The following PARP14 variants were observed in gnomAD, a reference collection of about 807,000 sequenced individuals.
PARP14 encodes the protein protein mono-ADP-ribosyltransferase PARP14.
A neutral mutation model predicts 154.2 loss-of-function variants in PARP14; 59 were observed. That is an observed-to-expected ratio of 0.38 (90% CI 0.31 to 0.48). The LOEUF (loss-of-function observed/expected upper bound fraction) is 0.48, where lower values mean the gene tolerates loss of function less well. PARP14 is among the 20% of genes least tolerant of loss of function. PARP14 has a pLI of 0.98. For missense variants in PARP14, 1,734 were observed against 2,131.6 expected, an observed-to-expected ratio of 0.81 and a Z score of 3.67; for synonymous variants, 720 against 780.5, an observed-to-expected ratio of 0.92 and a Z score of 1.29.
At chr3:122,714,459 TC>T in intron 12 of PARP14, 30 bp downstream of exon 12, 1 of 1,509,176 alleles carries the variant, frequency 6.6e-7, no homozygotes, top group South Asian at 1.3e-5. Flanking sequence ...CAAGGCTAAA[TC>T]CCAAGCCATC....
At chr3:122,708,963 G>A (rs553699744) in intron 9 of PARP14, among the ~76,000 whole-genome samples, 9 of 151,954 alleles carry the variant, frequency 5.9e-5, no homozygotes, top group East Asian at 1.9e-4. Context: ...TTTTAGATAC[G>A]TATGTGTATG....
chr3:122,695,810 T>C, intron 5 of PARP14, 148 bp downstream of exon 5: 1 of 586,162 alleles, frequency 1.7e-6, no homozygotes, highest in Non-Finnish European at 3.0e-6. Flanking sequence ...ATCTGCGATA[T>C]GATGCTTAAT....
chr3:122,727,124 C>T (rs1048724330), intron 15 of PARP14, among the ~76,000 whole-genome samples: 1 of 151,946 alleles, frequency 6.6e-6, no homozygotes, highest in Non-Finnish European at 1.5e-5. Context: ...CCATGAGGGA[C>T]TTTGGTCACC....
chr3:122,709,892 G>GTTTTT (rs146839683), intron 9 of PARP14, among the ~76,000 whole-genome samples: 1 of 145,622 alleles, frequency 6.9e-6, no homozygotes. Flanking sequence ...GGGATTATTT[G>GTTTTT]TTTTTTTTTT....
Position 122,718,464 on chromosome 3 carries a change from G to A in PARP14, c.4313G>A (p.Cys1438Tyr), listed in dbSNP as rs753272083. The A allele has an allele frequency of 2.5e-6, 4 of 1,613,876 alleles. No homozygotes were observed. Among genetic ancestry groups the A allele is most frequent in the Non-Finnish European group, 3.4e-6 (4 of 1,179,866 alleles). Reference protein sequence around the residue: ...TFRVCGENVTCVEYAISWLQD... With the variant: ...TFRVCGENVTYVEYAISWLQD... The stretch of plus-strand genomic sequence containing the variant: ...CGGGTGTGTGGTGAAAATGTCACGT[G>A]TGTGGAATATGCTATCTCCTGGCTA... Residue 1438 changes from cysteine (C) to tyrosine (Y), a missense_variant, in exon 14 of 17, where the codon TGT (cysteine) becomes TAT (tyrosine). By Grantham distance (194) the Cys-to-Tyr change is radical. Around this residue, in one of 2 missense-constraint regions of PARP14, gnomAD observed 1,646 missense variants for 1,976.0 expected, o/e 0.83. Coordinates refer to ENST00000474629, the MANE Select transcript of PARP14 (RefSeq NM_017554.3).
At chr3:122,710,840 T>A (rs1436048347) in intron 9 of PARP14, among the ~76,000 whole-genome samples, 1 of 149,438 alleles carries the variant, frequency 6.7e-6, no homozygotes, top group East Asian at 2.0e-4. Context: ...TATTTATTTA[T>A]TTTTGCAGCT....
intron 1 of PARP14, 136 bp from the exon 2 acceptor site, chr3:122,685,049 A>G: frequency 2.4e-6 from 2 of 829,338 alleles, no homozygotes; most frequent in Non-Finnish European, 3.7e-6. Context: ...TTCCTCTTTT[A>G]CTTCACATAT....
Position 122,680,951 on chromosome 3 carries a change from T to G in PARP14, c.68T>G (p.Leu23Trp). 6.2e-7 allele frequency: 1 copy of G among 1,613,562 alleles called. No individual in the cohort carries two copies. Residue 23 changes from leucine to tryptophan, a missense_variant, in exon 1 of 17, where the codon TTG becomes TGG. This residue lies in a region of PARP14 where 1,646 missense variants were observed against 1,976.0 expected (regional missense o/e 0.83). Coordinates refer to ENST00000474629, the MANE Select transcript of PARP14 (RefSeq NM_017554.3). ...GSWGPDPPKN[L>W]NTKLQMYFQS... ...TGGGGCCCCGACCCCCCGAAGAACT[T>G]GAACACCAAGTTGCAGATGTACTTC...
intron 4 of PARP14, among the ~76,000 whole-genome samples, chr3:122,693,893 C>T (rs1297071557): frequency 1.3e-5 from 2 of 151,164 alleles, no homozygotes; most frequent in Non-Finnish European, 2.9e-5. Context: ...AACAACTTAA[C>T]GTAGTACCTG....
chr3:122,703,023 A>C (rs528614909), intron 6 of PARP14, among the ~76,000 whole-genome samples: 173 of 99,000 alleles, frequency 1.7e-3, no homozygotes, highest in South Asian at 3.9e-3. Context: ...AAAAAAAAAA[A>C]CAAAAAACAA....
At chr3:122,703,563 C>T (rs970193567) in intron 6 of PARP14, among the ~76,000 whole-genome samples, 179 bp from the exon 7 acceptor site, 3 of 152,074 alleles carry the variant, frequency 2.0e-5, no homozygotes, top group African/African-American at 4.8e-5. Flanking sequence ...TCTTTTTTTC[C>T]TAAGTGTCAC....
intron 15 of PARP14, among the ~76,000 whole-genome samples, chr3:122,726,746 G>A (rs1933297526): frequency 6.6e-6 from 1 of 151,934 alleles, no homozygotes; most frequent in Non-Finnish European, 1.5e-5. Context: ...TAAGAATTAA[G>A]AGACTAAGAA....
At chr3:122,697,796 C>G (rs940736896) in intron 5 of PARP14, among the ~76,000 whole-genome samples, 1 of 152,190 alleles carries the variant, frequency 6.6e-6, no homozygotes, top group African/African-American at 2.4e-5. Flanking sequence ...CATTAATAAT[C>G]TGCACAGTTA....
At chr3:122,722,857 T>G (rs1189537582) in intron 15 of PARP14, among the ~76,000 whole-genome samples, 1 of 152,182 alleles carries the variant, frequency 6.6e-6, no homozygotes, top group Non-Finnish European at 1.5e-5. Flanking sequence ...ATTAAAGACA[T>G]TCTCCTAAAT....
Position 122,729,440 on chromosome 3 carries a change from T to TA in PARP14, c.*843_*844insA, listed in dbSNP as rs2107658152. ...ATGCTGAACCAAAATGTGCCTTTTT[T>TA]TTTTTTTTTTTGAGATGGAGTTTCA... On this transcript the variant is annotated 3_prime_UTR_variant, in exon 17 of 17. Coordinates refer to ENST00000474629, the MANE Select transcript of PARP14 (RefSeq NM_017554.3). 1 of 154,710 alleles carries TA rather than the reference T, an allele frequency of 6.5e-6. No individual in the cohort carries two copies. Among genetic ancestry groups the TA allele is most frequent in the African/African-American group, 2.4e-5 (1 of 41,416 alleles). 9.6% of individuals were successfully genotyped at this position (154,710 alleles called of 1,614,324 possible).
At chr3:122,708,340 A>C in intron 9 of PARP14, 72 bp downstream of exon 9, 1 of 758,462 alleles carries the variant, frequency 1.3e-6, no homozygotes, top group South Asian at 1.6e-5. Context: ...GGTAAAAGAC[A>C]GTAGTGATAA....
chr3:122,708,404 A>G lies in PARP14; in HGVS notation c.3619+136A>G, dbSNP rs908880062. 4.5e-5 allele frequency: 28 copies of G among 618,502 alleles called. No homozygotes were observed. The Admixed American group carries it at 8.0e-4, about 18-fold the overall frequency. 38.3% of individuals were successfully genotyped at this position (618,502 alleles called of 1,614,324 possible). ...CAAATGATACTAAGTTATGTTTCATATACCTGAGCATGTAAGACACTGGTC... is the reference window on the plus strand; with the variant it reads ...CAAATGATACTAAGTTATGTTTCATGTACCTGAGCATGTAAGACACTGGTC... On this transcript the variant is annotated intron_variant, in intron 9 of 16. Transcript: ENST00000474629.
intron 5 of PARP14, among the ~76,000 whole-genome samples, chr3:122,697,214 A>G (rs1322926934): frequency 6.6e-6 from 1 of 152,144 alleles, no homozygotes; most frequent in Non-Finnish European, 1.5e-5. Flanking sequence ...TTTGCCTCCT[A>G]AAGTGCTGGG....
intron 5 of PARP14, among the ~76,000 whole-genome samples, chr3:122,697,475 C>T (rs1268202834): frequency 6.6e-6 from 1 of 152,166 alleles, no homozygotes; most frequent in African/African-American, 2.4e-5. Flanking sequence ...ATAACATATA[C>T]CCTAACTTCT....
Sources: gnomAD v4.1 joint callset for allele counts (sites outside exome capture counted in the v4.1 genomes callset) on GRCh38, gnomAD v4.1.1 for gene constraint, gnomAD v4.1.1 regional missense constraint, MANE v1.5 for transcripts, NCBI Gene and HGNC (gene_info 2026-07-23, HGNC 2026-07-21) for gene names.